Variants in SRRM4 observed in about 807,000 individuals in gnomAD.
The protein encoded by SRRM4 is serine/arginine repetitive matrix protein 4.
In SRRM4, 33 loss-of-function variants were observed where a neutral mutation model predicts 68.9. That is an observed-to-expected ratio of 0.48 (90% CI 0.36 to 0.64). SRRM4 has a LOEUF of 0.64. Ranked by LOEUF, SRRM4 falls within the 30% of genes least tolerant of loss-of-function variation. The pLI is 0.00. For missense variants in SRRM4, 817 were observed against 827.1 expected, an observed-to-expected ratio of 0.99 and a Z score of 0.15; for synonymous variants, 318 against 318.8, an observed-to-expected ratio of 1.00 and a Z score of 0.03.
intron 10 of SRRM4, 82 bp downstream of exon 10, chr12:119,151,302 G>T: frequency 7.6e-7 from 1 of 1,317,342 alleles, no homozygotes; most frequent in Non-Finnish European, 1.1e-6. Context: ...TGACCCATGG[G>T]GGAGAGAAGT....
chr12:119,028,132 G>T (rs1444570930), intron 1 of SRRM4, among the ~76,000 whole-genome samples: 1 of 152,200 alleles, frequency 6.6e-6, no homozygotes, highest in Non-Finnish European at 1.5e-5. Context: ...GTGGTCTTAG[G>T]ATTTGCATTT....
rs140844464 is a variant in SRRM4 at position 119,071,331 on chromosome 12, T to C, written c.132-30905T>C. Among the ~76,000 whole-genome samples the C allele has an allele frequency of 7.6e-4, 115 of 152,300 alleles. 1 individual carries two copies. The highest frequency in any genetic ancestry group is 2.6e-3 in the African/African-American group (108 of 41,554). ...TGTAAGACACAGATGTGTGTTGGAA[T>C]CTTAGCTTTGGCCTTTCCTAGCTGT... On this transcript the variant is annotated intron_variant, in intron 1 of 12. Transcript: ENST00000267260.
intron 7 of SRRM4, among the ~76,000 whole-genome samples, chr12:119,127,765 G>A (rs1954270861): frequency 1.3e-5 from 2 of 151,360 alleles, no homozygotes; most frequent in Admixed American, 1.3e-4. Flanking sequence ...GGAAGAAAAA[G>A]GGAGAAGGAG....
chr12:119,096,187 ATT>A (rs749042616), intron 1 of SRRM4, among the ~76,000 whole-genome samples: 27,314 of 133,914 alleles, frequency 0.2, 3,181 homozygotes, highest in Non-Finnish European at 0.27. Flanking sequence ...CGCCCAGCTA[ATT>A]TTTTTTTTTT....
intron 1 of SRRM4, among the ~76,000 whole-genome samples, chr12:118,998,885 A>G (rs964715487): frequency 9.9e-5 from 15 of 152,218 alleles, no homozygotes; most frequent in Middle Eastern, 3.2e-3. Flanking sequence ...TGCCCAATTC[A>G]TATTTATGTA....
At chr12:119,116,327 A>G (rs1954179506) in intron 3 of SRRM4, among the ~76,000 whole-genome samples, 1 of 152,212 alleles carries the variant, frequency 6.6e-6, no homozygotes, top group Non-Finnish European at 1.5e-5. Context: ...TTGCTCAGGT[A>G]ACACTTTGAT....
chr12:119,087,308 A>G (rs1366534438), intron 1 of SRRM4, among the ~76,000 whole-genome samples: 1 of 152,186 alleles, frequency 6.6e-6, no homozygotes, highest in African/African-American at 2.4e-5. Context: ...AGCATTGACA[A>G]TGGTGCTGTC....
chr12:119,127,489 G>A (rs990459323), intron 7 of SRRM4, among the ~76,000 whole-genome samples: 2 of 152,000 alleles, frequency 1.3e-5, no homozygotes, highest in Admixed American at 6.6e-5. Context: ...GCACTTTGGG[G>A]GGCCGAGGTG....
rs1325617068 is a variant in SRRM4 at position 119,145,481 on chromosome 12, C to T, written c.872C>T (p.Thr291Met). ...RSQEYDSGND[T>M]SSPPSTQTSS... ...CAGGAGTACGACTCAGGAAATGACA[C>T]GTCCTCGCCACCCTCCACGCAAACC... Residue 291 changes from threonine to methionine, a missense_variant, in exon 9 of 13, where the codon ACG becomes ATG. Coordinates refer to ENST00000267260, the MANE Select transcript of SRRM4 (RefSeq NM_194286.4). The T allele has an allele frequency of 1.6e-5, 25 of 1,610,268 alleles. No individual in the cohort carries two copies. Among genetic ancestry groups the T allele is most frequent in the Non-Finnish European group, 2.1e-5 (25 of 1,178,420 alleles).
At chr12:119,008,748 C>G (rs1043919638) in intron 1 of SRRM4, among the ~76,000 whole-genome samples, 3 of 152,106 alleles carry the variant, frequency 2.0e-5, no homozygotes, top group African/African-American at 7.2e-5. Context: ...CTCATCAGTG[C>G]TGTTTTTCCC....
At chr12:119,152,003 T>G (rs915662039) in intron 10 of SRRM4, among the ~76,000 whole-genome samples, 1 of 152,126 alleles carries the variant, frequency 6.6e-6, no homozygotes, top group Non-Finnish European at 1.5e-5. Flanking sequence ...TTATGGCCAT[T>G]TTTGCATTCT....
intron 1 of SRRM4, among the ~76,000 whole-genome samples, chr12:119,091,575 G>A (rs545971275): frequency 6.6e-6 from 1 of 152,174 alleles, no homozygotes; most frequent in South Asian, 2.1e-4. Flanking sequence ...ACCACCATGT[G>A]CCAGATACTA....
intron 8 of SRRM4, among the ~76,000 whole-genome samples, 177 bp from the exon 9 acceptor site, chr12:119,145,204 T>C (rs1057484501): frequency 1.1e-4 from 17 of 152,200 alleles, no homozygotes; most frequent in African/African-American, 4.1e-4. Context: ...AAAATCTCCT[T>C]TCTGTGGTAT....
intron 1 of SRRM4, among the ~76,000 whole-genome samples, chr12:119,044,306 C>T (rs1364356540): frequency 6.6e-6 from 1 of 152,196 alleles, no homozygotes; most frequent in Non-Finnish European, 1.5e-5. Flanking sequence ...CCCCTAGGTG[C>T]AGCTCTTGCC....
chr12:119,042,119 G>C lies in SRRM4; in HGVS notation c.131+60106G>C, dbSNP rs185005244. ...GACTCCAAGACTTTCCCAAGAACACGCAGTCAGTGGCAGAGCTAGGAACAA... is the reference window on the plus strand; with the variant it reads ...GACTCCAAGACTTTCCCAAGAACACCCAGTCAGTGGCAGAGCTAGGAACAA... On this transcript the variant is annotated intron_variant, in intron 1 of 12. Coordinates refer to ENST00000267260, the MANE Select transcript of SRRM4 (RefSeq NM_194286.4). Among the ~76,000 whole-genome samples the C allele has an allele frequency of 2.6e-4, 40 of 152,194 alleles. 1 individual carries two copies. The East Asian group carries it at 7.4e-3, about 28-fold the overall frequency.
chr12:119,013,983 G>A (rs934579604), intron 1 of SRRM4, among the ~76,000 whole-genome samples: 3 of 151,934 alleles, frequency 2.0e-5, no homozygotes, highest in African/African-American at 7.3e-5. Flanking sequence ...ATTACTTGAT[G>A]GTCAAAGTAC....
intron 1 of SRRM4, among the ~76,000 whole-genome samples, chr12:119,087,926 C>T (rs776431109): frequency 3.3e-5 from 5 of 152,254 alleles, no homozygotes; most frequent in East Asian, 1.9e-4. Context: ...CATCTAAAAA[C>T]GACTCTTACA....
intron 2 of SRRM4, among the ~76,000 whole-genome samples, chr12:119,111,245 C>T (rs1415126333): frequency 6.6e-6 from 1 of 152,200 alleles, no homozygotes; most frequent in Non-Finnish European, 1.5e-5. Flanking sequence ...TACTTAACAA[C>T]TATTCTGCCC....
intron 9 of SRRM4, among the ~76,000 whole-genome samples, chr12:119,146,502 C>T (rs1017177923): frequency 1.3e-5 from 2 of 151,994 alleles, no homozygotes; most frequent in African/African-American, 2.4e-5. Context: ...AGGAAAATTG[C>T]TTGAACCCTG....
Sources: allele counts gnomAD v4.1 joint callset (sites outside exome capture counted in the v4.1 genomes callset), GRCh38; gene constraint gnomAD v4.1.1; transcripts MANE v1.5; gene names NCBI Gene and HGNC (gene_info 2026-07-23, HGNC 2026-07-21).